The following SIPA1L1 variants were observed in gnomAD, a reference collection of about 807,000 sequenced individuals.
SIPA1L1 encodes signal-induced proliferation-associated 1-like protein 1.
A neutral mutation model predicts 162.7 loss-of-function variants in SIPA1L1; 26 were observed. That is an observed-to-expected ratio of 0.16 (90% CI 0.12 to 0.22). The LOEUF (loss-of-function observed/expected upper bound fraction) is 0.22, where lower values mean the gene tolerates loss of function less well. Among genes scored for constraint, SIPA1L1 ranks in the 10% least tolerant of loss-of-function variants. The probability of loss-of-function intolerance (pLI) is 1.00; values close to 1 mark genes in which losing one functional copy is unlikely to be tolerated. For missense variants in SIPA1L1, 1,874 were observed against 2,241.0 expected, an observed-to-expected ratio of 0.84 and a Z score of 3.31; for synonymous variants, 829 against 837.4, an observed-to-expected ratio of 0.99 and a Z score of 0.17.
At chr14:71,573,768 T>C (rs1402678969) in intron 4 of SIPA1L1, 3 of 454,904 alleles carry the variant, frequency 6.6e-6, no homozygotes, top group Non-Finnish European at 1.3e-5. Context: ...ACATGTCTAT[T>C]TTAACTTTGT....
At chr14:71,716,431 AC>A (rs983005751) in intron 17 of SIPA1L1, among the ~76,000 whole-genome samples, 2 of 152,194 alleles carry the variant, frequency 1.3e-5, no homozygotes. Flanking sequence ...TCCTGAAAAT[AC>A]CATCTTTAGC....
At chr14:71,501,244 C>G (rs1381987426) in intron 2 of SIPA1L1, among the ~76,000 whole-genome samples, 2 of 151,914 alleles carry the variant, frequency 1.3e-5, no homozygotes, top group Admixed American at 6.6e-5. Context: ...TCGCTTGAGC[C>G]CAGGAGTCGA....
At chr14:71,386,164 G>C (rs1276415998) in intron 2 of SIPA1L1, among the ~76,000 whole-genome samples, 1 of 152,180 alleles carries the variant, frequency 6.6e-6, no homozygotes, top group Non-Finnish European at 1.5e-5. Context: ...TAGGATAGAT[G>C]TATATATAAA....
chr14:71,665,619 A>T (rs918779765), intron 10 of SIPA1L1, among the ~76,000 whole-genome samples: 3 of 152,224 alleles, frequency 2.0e-5, no homozygotes, highest in African/African-American at 7.2e-5. Context: ...AGAGATGCTG[A>T]AAAACTATTC....
At chr14:71,573,326 A>T (rs544626500) in intron 4 of SIPA1L1, among the ~76,000 whole-genome samples, 1 of 152,354 alleles carries the variant, frequency 6.6e-6, no homozygotes, top group Non-Finnish European at 1.5e-5. Context: ...TTTCCTATTC[A>T]AATGTGGTTG....
intron 2 of SIPA1L1, among the ~76,000 whole-genome samples, chr14:71,357,877 A>G (rs1002072116): frequency 5.9e-5 from 9 of 152,146 alleles, no homozygotes; most frequent in African/African-American, 2.2e-4. Context: ...ACAGGTGCAC[A>G]CCACCATGCC....
At chr14:71,714,118 CA>C (rs547461040) in intron 17 of SIPA1L1, among the ~76,000 whole-genome samples, 172 of 152,306 alleles carry the variant, frequency 1.1e-3, no homozygotes, top group African/African-American at 3.8e-3. Flanking sequence ...ATACAATAAA[CA>C]TTCACGATTA....
intron 4 of SIPA1L1, among the ~76,000 whole-genome samples, chr14:71,535,226 T>A (rs1047987995): frequency 3.9e-5 from 6 of 152,206 alleles, no homozygotes; most frequent in Non-Finnish European, 8.8e-5. Flanking sequence ...TAAATACCTA[T>A]GTATGGTGTG....
At chr14:71,632,370 A>G (rs535726696) in intron 7 of SIPA1L1, among the ~76,000 whole-genome samples, 1 of 152,298 alleles carries the variant, frequency 6.6e-6, no homozygotes, top group African/African-American at 2.4e-5. Context: ...TGTTCTTTTT[A>G]GCAAAAGGAC....
chr14:71,624,170 G>C lies in SIPA1L1; in HGVS notation c.1752G>C (p.Gln584His). 6.2e-7 allele frequency: 1 copy of C among 1,614,212 alleles called. No individual in the cohort carries two copies. Among genetic ancestry groups the C allele is most frequent in the Non-Finnish European group, 8.5e-7 (1 of 1,180,022 alleles). The change falls in exon 7 of 24, where the codon CAG (glutamine) becomes CAC (histidine). Residue 584 changes from glutamine (Q) to histidine (H), a missense_variant. Gln to His is a conservative substitution (Grantham distance 24). Around this residue, in one of 5 missense-constraint regions of SIPA1L1, gnomAD observed 685 missense variants for 828.0 expected, o/e 0.83. Coordinates refer to ENST00000381232, the MANE Select transcript of SIPA1L1 (RefSeq NM_001386936.1). ...LEHVVPELNVQCLRLAFNTPK... is the reference protein window; with the variant it reads ...LEHVVPELNVHCLRLAFNTPK... ...ACGTGGTTCCTGAGCTCAATGTCCA[G>C]TGCCTGCGGTTGGCCTTCAACACAC...
At chr14:71,632,888 T>C (rs2040724346) in intron 7 of SIPA1L1, among the ~76,000 whole-genome samples, 1 of 152,178 alleles carries the variant, frequency 6.6e-6, no homozygotes, top group Non-Finnish European at 1.5e-5. Flanking sequence ...GCCTGCTAAA[T>C]AGAGGATTTA....
At chr14:71,410,713 C>T (rs1418630243) in intron 2 of SIPA1L1, among the ~76,000 whole-genome samples, 1 of 152,040 alleles carries the variant, frequency 6.6e-6, no homozygotes, top group East Asian at 1.9e-4. Flanking sequence ...GAATACTCAG[C>T]CTTGGATGAA....
intron 2 of SIPA1L1, among the ~76,000 whole-genome samples, chr14:71,329,206 T>C (rs997525749): frequency 3.3e-5 from 5 of 152,246 alleles, no homozygotes; most frequent in African/African-American, 1.2e-4. Context: ...TGATTGTTGC[T>C]ATGAACGTGG....
At chr14:71,736,579 TA>T (rs1387231074) in intron 22 of SIPA1L1, among the ~76,000 whole-genome samples, 1 of 151,940 alleles carries the variant, frequency 6.6e-6, no homozygotes, top group Non-Finnish European at 1.5e-5. Flanking sequence ...GGCACAAGAA[TA>T]GGGGATCATT....
At chr14:71,690,385 C>A (rs2081172169) in intron 13 of SIPA1L1, among the ~76,000 whole-genome samples, 2 of 152,072 alleles carry the variant, frequency 1.3e-5, no homozygotes, top group Non-Finnish European at 2.9e-5. Flanking sequence ...ACTGCAGGTG[C>A]ACGCCACACC....
intron 4 of SIPA1L1, among the ~76,000 whole-genome samples, chr14:71,550,016 T>C (rs1341078613): frequency 2.2e-5 from 1 of 44,908 alleles, no homozygotes; most frequent in Non-Finnish European, 3.5e-5. Flanking sequence ...CCCAACACTT[T>C]GGGAGGCTGA....
chr14:71,373,107 C>T (rs1029516302), intron 2 of SIPA1L1, among the ~76,000 whole-genome samples: 8 of 151,060 alleles, frequency 5.3e-5, no homozygotes, highest in Non-Finnish European at 7.4e-5. Context: ...GTCAGGAGAT[C>T]GAGACCATCC....
At chr14:71,353,359 T>G (rs1030498176) in intron 2 of SIPA1L1, among the ~76,000 whole-genome samples, 3 of 152,056 alleles carry the variant, frequency 2.0e-5, no homozygotes, top group Admixed American at 1.3e-4. Flanking sequence ...GGAGGAGACA[T>G]TTTAGACCAA....
intron 2 of SIPA1L1, among the ~76,000 whole-genome samples, chr14:71,437,651 C>CG (rs1013054522): frequency 5.9e-5 from 9 of 152,118 alleles, no homozygotes; most frequent in African/African-American, 2.2e-4. Context: ...CGTAAGACAC[C>CG]GCGCCTGGCT....
Sources: gnomAD v4.1 joint callset for allele counts (sites outside exome capture counted in the v4.1 genomes callset) on GRCh38, gnomAD v4.1.1 for gene constraint, gnomAD v4.1.1 regional missense constraint, MANE v1.5 for transcripts, NCBI Gene and HGNC (gene_info 2026-07-23, HGNC 2026-07-21) for gene names.